The following AAGAB variants were observed in gnomAD, a reference collection of about 807,000 sequenced individuals.
AAGAB encodes the protein alpha and gamma adaptin binding protein, also known as alpha- and gamma-adaptin-binding protein p34.
Under a neutral mutation model 44.1 loss-of-function variants are expected in AAGAB, and 38 were observed. The observed-to-expected ratio is 0.86, with a 90% CI of 0.67 to 1.13. The LOEUF is 1.13. Ranked by LOEUF, AAGAB falls within the 50% of genes most tolerant of loss-of-function variation. The pLI, the probability that AAGAB is intolerant of heterozygous loss-of-function variation, is 0.00. For missense variants in AAGAB, 450 were observed against 373.8 expected, an observed-to-expected ratio of 1.20 and a Z score of -1.68; for synonymous variants, 131 against 131.8, an observed-to-expected ratio of 0.99 and a Z score of 0.04.
At position 67,201,487 on chromosome 15, in the gene AAGAB, TTA is replaced by T. The variant is rs1253686782; in HGVS notation, c.*1332_*1333del. 6.6e-6 allele frequency: 1 copy of T among 152,326 alleles called. No individual in the cohort carries two copies. The highest frequency in any genetic ancestry group is 1.5e-5 in the Non-Finnish European group (1 of 68,090). The allele number at this position is 152,326 out of a possible 1,614,324, so 9.4% of individuals were successfully genotyped here. ...GGTAGTGTCTGGAGGGGTGTGAGCC[TTA>T]TTTCTTTCTGCTCCTAACCCAACCT... On this transcript the variant is annotated 3_prime_UTR_variant, in exon 10 of 10. Transcript: ENST00000261880.
At chr15:67,238,737 G>T (rs970863427) in intron 1 of AAGAB, among the ~76,000 whole-genome samples, 1 of 146,688 alleles carries the variant, frequency 6.8e-6, no homozygotes, top group East Asian at 2.1e-4. Flanking sequence ...GCTCTGTTGC[G>T]CAGGCTGGAG....
chr15:67,208,862 C>G (rs537863036), intron 6 of AAGAB, among the ~76,000 whole-genome samples: 1 of 152,258 alleles, frequency 6.6e-6, no homozygotes, highest in African/African-American at 2.4e-5. Context: ...CAAGGAAGAA[C>G]TAGAAAGCGT....
chr15:67,203,535 CTGAT>C lies in AAGAB; in HGVS notation c.870+9_870+12del, dbSNP rs1567012809. On this transcript the variant is annotated intron_variant, in intron 9 of 9. Coordinates refer to ENST00000261880, the MANE Select transcript of AAGAB (RefSeq NM_024666.5). ...TTATAGGTATTCAATAAATACCTGG[CTGAT>C]TGTCTCACCTTTTCTGCATGCACTT... 2 of 1,612,346 alleles carry C rather than the reference CTGAT, an allele frequency of 1.2e-6. No homozygotes were observed. Among genetic ancestry groups the C allele is most frequent in the East Asian group, 2.2e-5 (1 of 44,862 alleles).
intron 5 of AAGAB, among the ~76,000 whole-genome samples, chr15:67,225,177 C>T (rs1472875808): frequency 2.6e-5 from 4 of 152,162 alleles, no homozygotes; most frequent in African/African-American, 4.8e-5. Flanking sequence ...AATGTGCAAA[C>T]ACGTTTGAGA....
chr15:67,232,316 T>C (rs1964358885), intron 4 of AAGAB: 2 of 177,416 alleles, frequency 1.1e-5, no homozygotes, highest in South Asian at 2.5e-4. Context: ...GTGGTTTTGT[T>C]ATCTTGTTTA....
At chr15:67,207,476 C>T (rs943154100) in intron 7 of AAGAB, among the ~76,000 whole-genome samples, 3 of 152,192 alleles carry the variant, frequency 2.0e-5, no homozygotes, top group African/African-American at 7.2e-5. Flanking sequence ...TTATTTGTAA[C>T]CTTTTTCCTC....
intron 8 of AAGAB, 90 bp downstream of exon 8, chr15:67,203,954 C>G: frequency 1.3e-6 from 1 of 792,648 alleles, no homozygotes. Flanking sequence ...AACAAGGAAT[C>G]CAATCCAGCA....
At position 67,200,995 on chromosome 15, in the gene AAGAB, A is replaced by G. The variant is rs917023340; in HGVS notation, c.*1826T>C. 1 of 152,342 alleles carries G rather than the reference A, an allele frequency of 6.6e-6. No individual in the cohort carries two copies. Among genetic ancestry groups the G allele is most frequent in the Non-Finnish European group, 1.5e-5 (1 of 68,044 alleles). The allele number at this position is 152,342 out of a possible 1,614,324, so 9.4% of individuals were successfully genotyped here. On this transcript the variant is annotated 3_prime_UTR_variant, in exon 10 of 10. Coordinates refer to ENST00000261880, the MANE Select transcript of AAGAB (RefSeq NM_024666.5). ...CCTCACTCATACCCCCTAATAAAAA[A>G]CCACAAAATCATAATAATAGACATT...
chr15:67,237,878 A>T (rs892656884), intron 1 of AAGAB, among the ~76,000 whole-genome samples: 4 of 152,222 alleles, frequency 2.6e-5, no homozygotes, highest in African/African-American at 9.6e-5. Flanking sequence ...ACTGAAAACT[A>T]GAAATTAAAT....
At chr15:67,253,316 T>C (rs969149542) in intron 1 of AAGAB, among the ~76,000 whole-genome samples, 1 of 139,242 alleles carries the variant, frequency 7.2e-6, no homozygotes, top group East Asian at 2.0e-4. Flanking sequence ...TAGTCCCAGA[T>C]ACTTGGGAGG....
chr15:67,216,186 G>A (rs1963940843), intron 5 of AAGAB, among the ~76,000 whole-genome samples: 1 of 152,080 alleles, frequency 6.6e-6, no homozygotes, highest in African/African-American at 2.4e-5. Context: ...GCTCACACCT[G>A]TAATCCCAGC....
At chr15:67,249,571 C>T (rs142521038) in intron 1 of AAGAB, among the ~76,000 whole-genome samples, 10 of 152,222 alleles carry the variant, frequency 6.6e-5, no homozygotes, top group African/African-American at 2.2e-4. Context: ...TTATTGGTTT[C>T]GATGGCAACA....
At chr15:67,246,889 T>C (rs1964738908) in intron 1 of AAGAB, among the ~76,000 whole-genome samples, 1 of 152,212 alleles carries the variant, frequency 6.6e-6, no homozygotes, top group South Asian at 2.1e-4. Context: ...AATAAGGGAA[T>C]AAAAGCTGGC....
chr15:67,224,649 C>T (rs1188752676), intron 5 of AAGAB, among the ~76,000 whole-genome samples: 8 of 148,542 alleles, frequency 5.4e-5, no homozygotes, highest in Non-Finnish European at 1.2e-4. Context: ...GGCGCGATCT[C>T]AGCTCACTGC....
chr15:67,231,963 C>T, intron 4 of AAGAB, 66 bp from the exon 5 acceptor site: 3 of 1,410,280 alleles, frequency 2.1e-6, no homozygotes, highest in Non-Finnish European at 3.0e-6. Flanking sequence ...TATACATTCA[C>T]AAAAATGTGG....
chr15:67,209,886 T>G (rs1340865353), intron 5 of AAGAB, among the ~76,000 whole-genome samples: 1 of 152,180 alleles, frequency 6.6e-6, no homozygotes, highest in African/African-American at 2.4e-5. Context: ...AGGCTGGTCT[T>G]GAACTCCTGG....
At chr15:67,249,250 C>T (rs1330995243) in intron 1 of AAGAB, among the ~76,000 whole-genome samples, 1 of 152,040 alleles carries the variant, frequency 6.6e-6, no homozygotes, top group Non-Finnish European at 1.5e-5. Context: ...GGCCAGGCTG[C>T]TCTCGAACTC....
intron 7 of AAGAB, among the ~76,000 whole-genome samples, chr15:67,207,217 A>AAC (rs1009808740): frequency 2.6e-5 from 4 of 151,980 alleles, no homozygotes; most frequent in African/African-American, 4.8e-5. Flanking sequence ...AAAACACAAC[A>AAC]ACACACACAC....
At chr15:67,222,242 G>GCGCGCGCGCGCACACACA (rs1367738219) in intron 5 of AAGAB, among the ~76,000 whole-genome samples, 7 of 90,044 alleles carry the variant, frequency 7.8e-5, no homozygotes, top group African/African-American at 2.3e-4. Context: ...GCGCGCGCGC[G>GCGCGCGCGCGCACACACA]CACACACACA....
Sources: allele counts gnomAD v4.1 joint callset (sites outside exome capture counted in the v4.1 genomes callset), GRCh38; gene constraint gnomAD v4.1.1; transcripts MANE v1.5; gene names NCBI Gene and HGNC (gene_info 2026-07-23, HGNC 2026-07-21).